Variants in KCNC2 observed in about 807,000 individuals in gnomAD.
KCNC2 encodes voltage-gated potassium channel KCNC2.
KCNC2 carries 21 observed loss-of-function variants against 44.5 expected under a neutral mutation model. The observed-to-expected ratio is 0.47, with a 90% CI of 0.33 to 0.68. The LOEUF (loss-of-function observed/expected upper bound fraction) is 0.68. Ranked by LOEUF, KCNC2 falls within the 30% of genes least tolerant of loss-of-function variation. The pLI, the probability that KCNC2 is intolerant of heterozygous loss-of-function variation, is 0.01. For missense variants in KCNC2, 589 were observed against 826.2 expected, an observed-to-expected ratio of 0.71 and a Z score of 3.52; for synonymous variants, 391 against 339.1, an observed-to-expected ratio of 1.15 and a Z score of -1.68.
chr12:75,199,994 T>C (rs1324273806), intron 2 of KCNC2, among the ~76,000 whole-genome samples: 1 of 151,664 alleles, frequency 6.6e-6, no homozygotes, highest in African/African-American at 2.4e-5. Context: ...TAAGGCTTTT[T>C]AGGAAGACAA....
intron 2 of KCNC2, among the ~76,000 whole-genome samples, chr12:75,109,484 G>C (rs1887052385): frequency 6.6e-6 from 1 of 152,158 alleles, no homozygotes; most frequent in Non-Finnish European, 1.5e-5. Context: ...CTGAGAACCT[G>C]TAGGAGAGCT....
chr12:75,045,331 T>C (rs1456975257), intron 4 of KCNC2, among the ~76,000 whole-genome samples: 2 of 151,990 alleles, frequency 1.3e-5, no homozygotes, highest in Admixed American at 1.3e-4. Context: ...CTAAATGTTA[T>C]CTTTCTGAAT....
At chr12:75,139,000 AAAAAAACCAAG>A (rs1889446805) in intron 2 of KCNC2, among the ~76,000 whole-genome samples, 1 of 147,610 alleles carries the variant, frequency 6.8e-6, no homozygotes, top group Non-Finnish European at 1.5e-5. Context: ...AAAAAAAAAA[AAAAAAACCAAG>A]AAAGAAAAAA....
At chr12:75,204,622 T>C (rs2031542049) in intron 2 of KCNC2, among the ~76,000 whole-genome samples, 1 of 152,148 alleles carries the variant, frequency 6.6e-6, no homozygotes, top group South Asian at 2.1e-4. Context: ...TAATAAGAAC[T>C]GAAGCAAACC....
intron 2 of KCNC2, among the ~76,000 whole-genome samples, chr12:75,100,732 A>G (rs1295080400): frequency 6.6e-6 from 1 of 152,046 alleles, no homozygotes; most frequent in African/African-American, 2.4e-5. Context: ...CTCATCCTGT[A>G]TATTGTCAAT....
intron 2 of KCNC2, among the ~76,000 whole-genome samples, chr12:75,152,550 C>A (rs115011117): frequency 7.8e-4 from 119 of 151,824 alleles, no homozygotes; most frequent in African/African-American, 2.4e-3. Flanking sequence ...TTATATCCTT[C>A]AAGGCAAAGA....
intron 2 of KCNC2, among the ~76,000 whole-genome samples, chr12:75,149,056 T>A (rs1215792538): frequency 6.6e-6 from 1 of 151,408 alleles, no homozygotes; most frequent in East Asian, 1.9e-4. Context: ...CTTATCACTA[T>A]CTACCAGAAT....
chr12:75,178,035 C>T (rs1388622015), intron 2 of KCNC2, among the ~76,000 whole-genome samples: 1 of 152,038 alleles, frequency 6.6e-6, no homozygotes, highest in Non-Finnish European at 1.5e-5. Context: ...ATTGATGCCT[C>T]TCTCTTTTTG....
intron 2 of KCNC2, among the ~76,000 whole-genome samples, chr12:75,069,536 A>C (rs1456082124): frequency 1.3e-5 from 2 of 152,108 alleles, no homozygotes; most frequent in African/African-American, 4.8e-5. Flanking sequence ...ACCATACGAT[A>C]TGGCTCTTAC....
chr12:75,090,231 G>A (rs1308882499), intron 2 of KCNC2, among the ~76,000 whole-genome samples: 1 of 151,546 alleles, frequency 6.6e-6, no homozygotes, highest in African/African-American at 2.4e-5. Context: ...CTGTTTTCTT[G>A]CTTCCCTTAT....
intron 2 of KCNC2, among the ~76,000 whole-genome samples, chr12:75,114,402 G>A (rs1454782513): frequency 6.6e-6 from 1 of 152,152 alleles, no homozygotes; most frequent in East Asian, 1.9e-4. Flanking sequence ...TCATTTACTT[G>A]ACAAATATAT....
At chr12:75,191,935 ATAT>A (rs2030322559) in intron 2 of KCNC2, among the ~76,000 whole-genome samples, 1 of 152,154 alleles carries the variant, frequency 6.6e-6, no homozygotes, top group African/African-American at 2.4e-5. Context: ...AATCTCTATA[ATAT>A]TATAAATGAA....
Position 75,051,151 on chromosome 12 carries a change from A to G in KCNC2, c.854T>C (p.Val285Ala). 1 of 1,613,838 alleles carries G rather than the reference A, an allele frequency of 6.2e-7. No individual in the cohort carries two copies. Among genetic ancestry groups the G allele is most frequent in the Non-Finnish European group, 8.5e-7 (1 of 1,179,800 alleles). Reference sequence around the variant, plus strand: ...AAACCACACCACACACACTCCTTCTACATACGTCAAGGCAGGATCCGTTTC... The same window carrying G: ...AAACCACACCACACACACTCCTTCTGCATACGTCAAGGCAGGATCCGTTTC... ...EIETDPALTY[V>A]EGVCVVWFTF... The change falls in exon 3 of 5, where the codon GTA becomes GCA. Residue 285 changes from valine to alanine, a missense_variant. Transcript: ENST00000549446.
intron 2 of KCNC2, chr12:75,124,683 TTTC>T (rs1267872114): frequency 3.9e-5 from 6 of 152,248 alleles, no homozygotes; most frequent in Non-Finnish European, 7.3e-5. Context: ...AAAAATTTGC[TTTC>T]TTATTAGTGG....
intron 2 of KCNC2, among the ~76,000 whole-genome samples, chr12:75,140,916 G>A (rs879353206): frequency 6.6e-6 from 1 of 151,134 alleles, no homozygotes; most frequent in Non-Finnish European, 1.5e-5. Flanking sequence ...CTTTAAAAAA[G>A]TGGAGGAAAA....
At chr12:75,171,009 C>A (rs1891778953) in intron 2 of KCNC2, among the ~76,000 whole-genome samples, 1 of 151,714 alleles carries the variant, frequency 6.6e-6, no homozygotes, top group African/African-American at 2.4e-5. Flanking sequence ...TTCCTAGAGG[C>A]CACTCTTCGG....
chr12:75,171,943 T>C (rs735636), intron 2 of KCNC2, among the ~76,000 whole-genome samples: 60,085 of 151,692 alleles, frequency 0.4, 13,361 homozygotes, highest in Admixed American at 0.52. Flanking sequence ...ATCTTTATCA[T>C]TTGTTCTCTT....
chr12:75,186,322 T>C (rs897897251), intron 2 of KCNC2, among the ~76,000 whole-genome samples: 1 of 152,070 alleles, frequency 6.6e-6, no homozygotes, highest in Non-Finnish European at 1.5e-5. Flanking sequence ...AATCGATTCA[T>C]GGAGCATGCA....
chr12:75,094,355 TA>T (rs2137146374), intron 2 of KCNC2, among the ~76,000 whole-genome samples: 1 of 151,764 alleles, frequency 6.6e-6, no homozygotes, highest in Non-Finnish European at 1.5e-5. Flanking sequence ...TGGAATGAGT[TA>T]TTATTCTCAA....
Sources: allele counts gnomAD v4.1 joint callset (sites outside exome capture counted in the v4.1 genomes callset), GRCh38; gene constraint gnomAD v4.1.1; transcripts MANE v1.5; gene names NCBI Gene and HGNC (gene_info 2026-07-23, HGNC 2026-07-21).